Variants in UBN2 observed in about 807,000 individuals in gnomAD.
UBN2 encodes ubinuclein-2.
Under a neutral mutation model 120.2 loss-of-function variants are expected in UBN2, and 35 were observed. The ratio of observed to expected loss-of-function variants is 0.29; its 90% CI spans 0.22 to 0.39. The LOEUF is 0.39. Ranked by LOEUF, UBN2 falls within the 10% of genes least tolerant of loss-of-function variation. The pLI, the probability that UBN2 is intolerant of heterozygous loss-of-function variation, is 1.00. For synonymous variants in UBN2, 661 were observed against 648.7 expected (o/e 1.02, Z -0.29); for missense variants, 1,693 against 1,663.2 (o/e 1.02, Z -0.31).
intron 14 of UBN2, among the ~76,000 whole-genome samples, chr7:139,282,358 A>G (rs966616397): frequency 6.6e-6 from 1 of 152,186 alleles, no homozygotes; most frequent in Non-Finnish European, 1.5e-5. Flanking sequence ...GTAATTCTTA[A>G]TACCCTTGTT....
chr7:139,279,147 G>A (rs1347396153), intron 12 of UBN2, among the ~76,000 whole-genome samples, 171 bp from the exon 13 acceptor site: 1 of 151,960 alleles, frequency 6.6e-6, no homozygotes, highest in Non-Finnish European at 1.5e-5. Context: ...TCTGAATTGG[G>A]GAAAATGTTG....
chr7:139,272,399 C>T lies in UBN2; in HGVS notation c.1674C>T (p.Tyr558=). The part of the protein sequence containing the change: ...SNVMPEQLFK[Y]QEDCQARSQA... ...TCATGCCTGAACAGCTATTTAAATA[C>T]CAGGAGGACTGCCAGGCTCGTAGTC... Residue 558 remains tyrosine (Y), a synonymous_variant, in exon 9 of 18, where the codon TAC becomes TAT. Coordinates refer to ENST00000473989, the MANE Select transcript of UBN2 (RefSeq NM_173569.4). The T allele has an allele frequency of 2.5e-6, 4 of 1,613,760 alleles. No individual in the cohort carries two copies. Among genetic ancestry groups the T allele is most frequent in the Non-Finnish European group, 3.4e-6 (4 of 1,179,952 alleles).
intron 13 of UBN2, among the ~76,000 whole-genome samples, chr7:139,280,414 C>T (rs1797572193): frequency 6.6e-6 from 1 of 152,038 alleles, no homozygotes; most frequent in African/African-American, 2.4e-5. Flanking sequence ...GAAGTAAAAA[C>T]TATAATCATT....
In UBN2 at chr7:139,273,419, T is replaced by G; in HGVS notation, c.1829+9T>G. ...TGGGATGACACTATCAGGTAAGATTTAATTAGTTTTCACTTTTAATATATA... is the reference window on the plus strand; with the variant it reads ...TGGGATGACACTATCAGGTAAGATTGAATTAGTTTTCACTTTTAATATATA... On this transcript the variant is annotated intron_variant, in intron 10 of 17. Transcript: ENST00000473989. The G allele has an allele frequency of 6.5e-7, 1 of 1,534,488 alleles. No individual in the cohort carries two copies. Among genetic ancestry groups the G allele is most frequent in the Non-Finnish European group, 8.8e-7 (1 of 1,133,472 alleles).
intron 2 of UBN2, among the ~76,000 whole-genome samples, chr7:139,245,322 T>C (rs1189503205): frequency 6.6e-6 from 1 of 152,116 alleles, no homozygotes; most frequent in East Asian, 1.9e-4. Context: ...ATTGATATGC[T>C]TTGTGAAGAC....
intron 5 of UBN2, among the ~76,000 whole-genome samples, chr7:139,261,049 C>G (rs1030673595): frequency 6.6e-6 from 1 of 152,090 alleles, no homozygotes; most frequent in Non-Finnish European, 1.5e-5. Context: ...ACTGTAATGG[C>G]CATTTACCTA....
At chr7:139,249,677 C>A (rs1796567824) in intron 2 of UBN2, among the ~76,000 whole-genome samples, 1 of 152,082 alleles carries the variant, frequency 6.6e-6, no homozygotes, top group African/African-American at 2.4e-5. Context: ...TTTGCAGAAT[C>A]TTTTGCACTA....
In UBN2 at chr7:139,305,648, T is replaced by G. The variant is rs1798344402; in HGVS notation, c.*7812T>G. On this transcript the variant is annotated 3_prime_UTR_variant, in exon 18 of 18. Coordinates refer to ENST00000473989, the MANE Select transcript of UBN2 (RefSeq NM_173569.4). The stretch of plus-strand genomic sequence containing the variant: ...AAACTTCGGACACTTTTCCAAACTG[T>G]TAAACAAGTCAGGAATGCTTTTCAG... 6.6e-6 allele frequency: 1 copy of G among 152,220 alleles called. No homozygotes were observed. The highest frequency in any genetic ancestry group is 2.4e-5 in the African/African-American group (1 of 41,454). 9.4% of individuals were successfully genotyped at this position (152,220 alleles called of 1,614,324 possible).
Position 139,284,161 on chromosome 7 carries a change from A to G in UBN2, c.3256A>G (p.Thr1086Ala), listed in dbSNP as rs748724177. ...ISKSNPTPKP[T>A]VSPSSSSPNA... is the part of the protein sequence containing the mutation. Reference sequence around the variant, plus strand: ...TAAATCCAACCCAACTCCCAAGCCTACTGTATCCCCAAGTAGTTCCAGTCC... The same window carrying G: ...TAAATCCAACCCAACTCCCAAGCCTGCTGTATCCCCAAGTAGTTCCAGTCC... Residue 1086 changes from threonine to alanine, a missense_variant, in exon 15 of 18, where the codon ACT becomes GCT. Thr to Ala is a moderately conservative substitution (Grantham distance 58). This residue lies in a region of UBN2 where 837 missense variants were observed against 817.6 expected (regional missense o/e 1.02). Coordinates refer to ENST00000473989, the MANE Select transcript of UBN2 (RefSeq NM_173569.4). 1.7e-5 allele frequency: 28 copies of G among 1,613,832 alleles called. No homozygotes were observed. In the Admixed American group the frequency reaches 4.5e-4, roughly 26 times the overall value.
In UBN2 at chr7:139,275,406, AC is replaced by A. The variant is rs201608279; in HGVS notation, c.1974-687del. On this transcript the variant is annotated intron_variant, in intron 11 of 17. Transcript: ENST00000473989. ...AGACCATCCTGGCTAACACGGTGAA[AC>A]CCCGTCTCTACTAAAAATAGAAAAA... is the stretch of plus-strand genomic sequence containing the variant. Among the ~76,000 whole-genome samples the A allele has an allele frequency of 6.1e-3, 919 of 150,304 alleles. 6 individuals are homozygous for A. Among genetic ancestry groups the A allele is most frequent in the African/African-American group, 0.021 (842 of 40,742 alleles).
intron 3 of UBN2, among the ~76,000 whole-genome samples, chr7:139,254,272 A>C (rs1796700074): frequency 6.6e-6 from 1 of 152,074 alleles, no homozygotes; most frequent in African/African-American, 2.4e-5. Context: ...CAGCCTGGGC[A>C]ACAGAGTGAG....
At chr7:139,276,281 A>C in intron 12 of UBN2, 134 bp downstream of exon 12, 1 of 831,836 alleles carries the variant, frequency 1.2e-6, no homozygotes, top group Non-Finnish European at 2.0e-6. Context: ...TTTAGACTTC[A>C]GAACACATTT....
In UBN2 at chr7:139,308,174, T is replaced by C. The variant is rs1314552919; in HGVS notation, c.*10338T>C. ...TGTGACAGGGCCTTTTAATGAGTGT[T>C]TTTTCTTTTTGTATATGTTACGTGT... On this transcript the variant is annotated 3_prime_UTR_variant, in exon 18 of 18. Transcript: ENST00000473989. The C allele has an allele frequency of 6.6e-6, 1 of 152,080 alleles. No individual in the cohort carries two copies. The highest frequency in any genetic ancestry group is 1.5e-5 in the Non-Finnish European group (1 of 67,998). The allele number at this position is 152,080 out of a possible 1,614,324, so 9.4% of individuals were successfully genotyped here. A position where few individuals can be genotyped will look rare whatever the true frequency, so the allele number is the denominator to read the frequency against.
At chr7:139,255,947 T>C (rs906229393) in intron 3 of UBN2, among the ~76,000 whole-genome samples, 1 of 152,242 alleles carries the variant, frequency 6.6e-6, no homozygotes, top group Non-Finnish European at 1.5e-5. Flanking sequence ...TCACTAGAAC[T>C]TTGTGAAGTA....
At chr7:139,244,065 A>G (rs966426219) in intron 2 of UBN2, among the ~76,000 whole-genome samples, 4 of 152,114 alleles carry the variant, frequency 2.6e-5, no homozygotes, top group Non-Finnish European at 5.9e-5. Context: ...TAGAAAGTAA[A>G]TCTCCTTCCT....
chr7:139,308,898 C>T (rs1002886410), downstream of UBN2, among the ~76,000 whole-genome samples: 7 of 152,188 alleles, frequency 4.6e-5, no homozygotes, highest in South Asian at 4.1e-4. Context: ...GGTGCAACCC[C>T]GTCTCTGCTG....
downstream of UBN2, among the ~76,000 whole-genome samples, chr7:139,310,749 G>T (rs1325374935): frequency 1.3e-5 from 2 of 152,182 alleles, no homozygotes; most frequent in African/African-American, 4.8e-5. Flanking sequence ...CTCCAGCCTG[G>T]GCGACAGAGT....
In UBN2 at chr7:139,284,369, C is replaced by T. The variant is rs1797716391; in HGVS notation, c.3464C>T (p.Thr1155Ile). 3.1e-6 allele frequency: 5 copies of T among 1,614,104 alleles called. No homozygotes were observed. The highest frequency in any genetic ancestry group is 4.2e-6 in the Non-Finnish European group (5 of 1,180,042). The stretch of plus-strand genomic sequence containing the variant: ...TCAAAGCTAACAAACTCATCATCCA[C>T]TGGAACTGTTGGGAAGAACAGCTTG... ...APSKLTNSSS[T>I]GTVGKNSLSG... Residue 1155 changes from threonine (T) to isoleucine (I), a missense_variant, in exon 15 of 18, where the codon ACT (threonine) becomes ATT (isoleucine). Physicochemically the swap from Thr to Ile is moderately conservative, Grantham distance 89. This residue lies in a region of UBN2 where 837 missense variants were observed against 817.6 expected (regional missense o/e 1.02). Transcript: ENST00000473989.
At chr7:139,286,554 A>G (rs1460306161) in intron 15 of UBN2, among the ~76,000 whole-genome samples, 1 of 152,196 alleles carries the variant, frequency 6.6e-6, no homozygotes, top group Non-Finnish European at 1.5e-5. Context: ...AAAATCACCT[A>G]TTAATCCAAT....
Sources: allele counts gnomAD v4.1 joint callset (sites outside exome capture counted in the v4.1 genomes callset), GRCh38; gene constraint gnomAD v4.1.1; regional missense constraint gnomAD v4.1.1; transcripts MANE v1.5; gene names NCBI Gene and HGNC (gene_info 2026-07-23, HGNC 2026-07-21).